Variants in NHSL1 observed in about 807,000 individuals in gnomAD.
The protein encoded by NHSL1 is NHS-like protein 1.
NHSL1 carries 48 observed loss-of-function variants against 95.0 expected under a neutral mutation model. The ratio of observed to expected loss-of-function variants is 0.51; its 90% CI spans 0.40 to 0.64. The LOEUF (loss-of-function observed/expected upper bound fraction) is 0.64. Among genes scored for constraint, NHSL1 ranks in the 30% least tolerant of loss-of-function variants. The probability of loss-of-function intolerance (pLI) is 0.00; values close to 1 mark genes in which losing one functional copy is unlikely to be tolerated. For missense variants in NHSL1, 1,971 were observed against 2,077.7 expected (o/e 0.95, Z 1.00); for synonymous variants, 783 against 833.9 (o/e 0.94, Z 1.05).
chr6:138,589,629 C>G (rs893271866), intron 1 of NHSL1, among the ~76,000 whole-genome samples: 2 of 152,182 alleles, frequency 1.3e-5, no homozygotes, highest in Non-Finnish European at 2.9e-5. Context: ...TACCCTAAAC[C>G]CTCATCTATG....
chr6:138,598,459 GA>G (rs36008081), intron 1 of NHSL1, among the ~76,000 whole-genome samples: 65 of 142,226 alleles, frequency 4.6e-4, no homozygotes, highest in Middle Eastern at 3.5e-3. Context: ...CTCCATCTTG[GA>G]AAAAAAAAAA....
chr6:138,570,727 G>C (rs1490980743), intron 1 of NHSL1, among the ~76,000 whole-genome samples: 2 of 152,208 alleles, frequency 1.3e-5, no homozygotes, highest in Non-Finnish European at 2.9e-5. Context: ...CGTTTCAGTA[G>C]TTTTGCTTTC....
Position 138,424,154 on chromosome 6 carries a change from A to G in NHSL1, c.4748T>C (p.Val1583Ala). The G allele has an allele frequency of 6.9e-7, 1 of 1,445,552 alleles. No individual in the cohort carries two copies. Among genetic ancestry groups the G allele is most frequent in the Non-Finnish European group, 9.1e-7 (1 of 1,103,338 alleles). 89.5% of individuals were successfully genotyped at this position (1,445,552 alleles called of 1,614,324 possible). Residue 1583 changes from valine to alanine, a missense_variant, in exon 8 of 8, where the codon GTG (valine) becomes GCG (alanine). By Grantham distance (64) the Val-to-Ala change is moderately conservative. Coordinates refer to ENST00000343505, the MANE Select transcript of NHSL1 (RefSeq NM_001144060.2). The surrounding 1 kb of genome is among the most constrained non-coding windows in gnomAD (Gnocchi z 5.9). Reference sequence around the variant, plus strand: ...GCCCTCTGCACTGGCTGTCCCATCCACAGGGCCGGGGGCCTGGGGCTGCAG... The same window carrying G: ...GCCCTCTGCACTGGCTGTCCCATCCGCAGGGCCGGGGGCCTGGGGCTGCAG... ...ASLQPQAPGP[V>A]DGTASAEGRE...
chr6:138,598,647 AG>A lies in NHSL1; in HGVS notation c.96+93828del, dbSNP rs1426606234. On this transcript the variant is annotated intron_variant, in intron 1 of 3. Coordinates refer to the NHSL1 transcript ENST00000491526. ...TGGAAGAAAAAAAAAAAAAAAAAAA[AG>A]CAGCATTTTTCTTTCTTCTAAGAAC... Among the ~76,000 whole-genome samples, 5 of 150,246 alleles carry A rather than the reference AG, an allele frequency of 3.3e-5. No individual in the cohort carries two copies. The South Asian group carries it at 8.5e-4, about 25-fold the overall frequency.
At chr6:138,511,753 T>C (rs1055484333) in intron 1 of NHSL1, among the ~76,000 whole-genome samples, 4 of 152,110 alleles carry the variant, frequency 2.6e-5, no homozygotes, top group East Asian at 3.9e-4. Context: ...CTGGGCAACA[T>C]GGCAAAAACC....
At chr6:138,452,062 C>G (rs544673670) in intron 3 of NHSL1, among the ~76,000 whole-genome samples, 113 of 152,268 alleles carry the variant, frequency 7.4e-4, no homozygotes, top group African/African-American at 2.6e-3. Flanking sequence ...TTAAAATTGC[C>G]TTGCTCTCAG....
intron 1 of NHSL1, among the ~76,000 whole-genome samples, chr6:138,666,876 T>C (rs550014341): frequency 6.6e-6 from 1 of 152,328 alleles, no homozygotes; most frequent in East Asian, 1.9e-4. Flanking sequence ...TCCATGGGAA[T>C]TTAATCATAC....
At chr6:138,463,696 C>T (rs987103409) in intron 3 of NHSL1, among the ~76,000 whole-genome samples, 1 of 151,868 alleles carries the variant, frequency 6.6e-6, no homozygotes, top group African/African-American at 2.4e-5. Flanking sequence ...TCCCCTTTGT[C>T]CCCACCCCGC....
At chr6:138,452,296 C>T (rs994531077) in intron 3 of NHSL1, among the ~76,000 whole-genome samples, 2 of 152,120 alleles carry the variant, frequency 1.3e-5, no homozygotes, top group African/African-American at 4.8e-5. Context: ...AGGTTCTACC[C>T]GGAAATCAGA....
At chr6:138,645,160 T>C (rs929636446) in intron 1 of NHSL1, among the ~76,000 whole-genome samples, 17 of 152,240 alleles carry the variant, frequency 1.1e-4, no homozygotes, top group African/African-American at 3.9e-4. Context: ...TATGATTTGA[T>C]GACAGGATAA....
At chr6:138,620,762 A>T (rs549431404) in intron 1 of NHSL1, among the ~76,000 whole-genome samples, 8 of 152,342 alleles carry the variant, frequency 5.3e-5, no homozygotes, top group African/African-American at 1.9e-4. Flanking sequence ...GCCAGTAAAT[A>T]TAACTTCCAT....
intron 3 of NHSL1, chr6:138,470,685 C>T (rs947552681): frequency 6.6e-6 from 1 of 152,150 alleles, no homozygotes; most frequent in Non-Finnish European, 1.5e-5. Flanking sequence ...TGTAAGAGAC[C>T]AAATATAGGA....
chr6:138,687,966 T>TGGG (rs1405764574), intron 1 of NHSL1, among the ~76,000 whole-genome samples: 4 of 151,862 alleles, frequency 2.6e-5, no homozygotes, highest in Admixed American at 2.0e-4. Flanking sequence ...TTTTTTTTTT[T>TGGG]GGGGACACAG....
chr6:138,433,128 G>A lies in NHSL1; in HGVS notation c.1217C>T (p.Ala406Val). ...TGGGATGATGCTGGTGGAGTAGGTT[G>A]CATGAGGAGAAACCACACACGCTGG... The part of the protein sequence containing the change: ...MSPACVVSPH[A>V]TYSTSIIPNA... Residue 406 changes from alanine (A) to valine (V), a missense_variant, in exon 6 of 8, where the codon GCA (alanine) becomes GTA (valine). Coordinates refer to ENST00000343505, the MANE Select transcript of NHSL1 (RefSeq NM_001144060.2). 5.8e-6 allele frequency: 9 copies of A among 1,550,878 alleles called. No individual in the cohort carries two copies. The highest frequency in any genetic ancestry group is 7.8e-6 in the Non-Finnish European group (9 of 1,146,922).
At chr6:138,489,977 GGAGAGGGGGA>G (rs1779976121) in intron 2 of NHSL1, among the ~76,000 whole-genome samples, 2 of 90,420 alleles carry the variant, frequency 2.2e-5, no homozygotes, top group Non-Finnish European at 4.3e-5. Context: ...GGGGAGAGGG[GGAGAGGGGGA>G]GAGAGAGAGA....
chr6:138,517,536 G>A (rs1781506421), intron 1 of NHSL1, among the ~76,000 whole-genome samples: 1 of 152,186 alleles, frequency 6.6e-6, no homozygotes, highest in African/African-American at 2.4e-5. Flanking sequence ...TCAGATTACT[G>A]AAACAAGACA....
At chr6:138,664,202 G>T (rs1785265518) in intron 1 of NHSL1, among the ~76,000 whole-genome samples, 1 of 152,158 alleles carries the variant, frequency 6.6e-6, no homozygotes, top group Non-Finnish European at 1.5e-5. Context: ...TGGCTTTTTG[G>T]TCACATTTAC....
intron 5 of NHSL1, among the ~76,000 whole-genome samples, chr6:138,439,150 T>C (rs933790408): frequency 6.6e-6 from 1 of 152,240 alleles, no homozygotes; most frequent in African/African-American, 2.4e-5. Flanking sequence ...TGCATATAAT[T>C]AAGGATAATA....
intron 3 of NHSL1, among the ~76,000 whole-genome samples, chr6:138,455,224 A>T (rs570555205): frequency 6.6e-6 from 1 of 152,346 alleles, no homozygotes; most frequent in Admixed American, 6.5e-5. Flanking sequence ...ATGATTGGAC[A>T]TGGAGTAATC....
Sources: allele counts gnomAD v4.1 joint callset (sites outside exome capture counted in the v4.1 genomes callset), GRCh38; gene constraint gnomAD v4.1.1; non-coding constraint Gnocchi (gnomAD v3.1); transcripts MANE v1.5; gene names NCBI Gene and HGNC (gene_info 2026-07-23, HGNC 2026-07-21).